The following CACNB4 variants were observed in gnomAD, a reference collection of about 807,000 sequenced individuals.
CACNB4 encodes the protein calcium voltage-gated channel auxiliary subunit beta 4.
In CACNB4, 32 loss-of-function variants were observed where a neutral mutation model predicts 71.2. That is an observed-to-expected ratio of 0.45 (90% CI 0.34 to 0.60). CACNB4 has a LOEUF of 0.60. Among genes scored for constraint, CACNB4 ranks in the 20% least tolerant of loss-of-function variants. The probability of loss-of-function intolerance (pLI) is 0.01; values close to 1 mark genes in which losing one functional copy is unlikely to be tolerated. For synonymous variants in CACNB4, 231 were observed against 236.9 expected (o/e 0.97, Z 0.23); for missense variants, 464 against 647.9 (o/e 0.72, Z 3.08).
At chr2:152,004,540 C>T (rs2345159) in intron 2 of CACNB4, among the ~76,000 whole-genome samples, 81,627 of 147,438 alleles carry the variant, frequency 0.55, 25,406 homozygotes, top group Non-Finnish European at 0.73. Flanking sequence ...CATACACACA[C>T]ACACACACAC....
intron 2 of CACNB4, among the ~76,000 whole-genome samples, chr2:152,057,646 C>A (rs1263399845): frequency 6.6e-6 from 1 of 152,044 alleles, no homozygotes; most frequent in Non-Finnish European, 1.5e-5. Context: ...TCCATGACAC[C>A]CATTTCAGGT....
chr2:152,073,451 G>A (rs981638963), intron 2 of CACNB4, among the ~76,000 whole-genome samples: 1 of 151,912 alleles, frequency 6.6e-6, no homozygotes, highest in Admixed American at 6.6e-5. Flanking sequence ...ACTGGCAATC[G>A]TGCTTTGCTA....
intron 10 of CACNB4, chr2:151,859,163 T>C (rs904829112): frequency 6.6e-6 from 1 of 152,174 alleles, no homozygotes; most frequent in Non-Finnish European, 1.5e-5. Flanking sequence ...TGGTTGTGGG[T>C]TTATGACTTT....
intron 2 of CACNB4, among the ~76,000 whole-genome samples, chr2:151,989,553 T>G (rs1375148382): frequency 6.6e-6 from 1 of 152,190 alleles, no homozygotes; most frequent in Non-Finnish European, 1.5e-5. Flanking sequence ...TCTCTGGCCA[T>G]TCTTTCTTGA....
At chr2:151,953,274 G>A (rs1195816977) in intron 2 of CACNB4, among the ~76,000 whole-genome samples, 1 of 151,908 alleles carries the variant, frequency 6.6e-6, no homozygotes, top group African/African-American at 2.4e-5. Context: ...TGCTGGTGTG[G>A]GTCCCACGGC....
intron 2 of CACNB4, among the ~76,000 whole-genome samples, chr2:151,947,335 CA>C (rs1410198737): frequency 6.6e-6 from 1 of 152,152 alleles, no homozygotes; most frequent in African/African-American, 2.4e-5. Flanking sequence ...ACTTAGGGGG[CA>C]AAGAAGAATC....
intron 2 of CACNB4, among the ~76,000 whole-genome samples, chr2:151,955,145 G>A (rs987239507): frequency 6.6e-5 from 10 of 152,038 alleles, no homozygotes; most frequent in East Asian, 5.8e-4. Context: ...GTGAGCCACC[G>A]TGCCCAGCCA....
intron 2 of CACNB4, among the ~76,000 whole-genome samples, chr2:151,909,774 T>C (rs1394899105): frequency 6.6e-6 from 1 of 152,232 alleles, no homozygotes; most frequent in African/African-American, 2.4e-5. Flanking sequence ...CCATGGTGGA[T>C]ACGTACCACA....
chr2:151,941,829 G>A (rs1041499561), intron 2 of CACNB4, among the ~76,000 whole-genome samples: 2 of 152,162 alleles, frequency 1.3e-5, no homozygotes, highest in African/African-American at 2.4e-5. Flanking sequence ...TAGAATTAAT[G>A]GAAAGGAGTG....
chr2:151,999,051 C>A, intron 2 of CACNB4, among the ~76,000 whole-genome samples: 1 of 152,216 alleles, frequency 6.6e-6, no homozygotes, highest in East Asian at 1.9e-4. Context: ...GTTCTTGCAG[C>A]TTTAGCCTGA....
chr2:151,941,947 A>G (rs1017240562), intron 2 of CACNB4, among the ~76,000 whole-genome samples: 4 of 152,224 alleles, frequency 2.6e-5, no homozygotes, highest in African/African-American at 7.2e-5. Context: ...AAGGATGAAA[A>G]AAGGCCCCAA....
At chr2:151,879,877 G>A (rs6742375) in intron 4 of CACNB4, 32,228 of 152,220 alleles carry the variant, frequency 0.21, 3,614 homozygotes, top group Middle Eastern at 0.38. Flanking sequence ...TGGTGTGAGT[G>A]AGTGTGCATG....
chr2:152,039,009 T>A (rs1415514724), intron 2 of CACNB4, among the ~76,000 whole-genome samples: 1 of 152,206 alleles, frequency 6.6e-6, no homozygotes, highest in African/African-American at 2.4e-5. Flanking sequence ...GCTTGCTTAG[T>A]TAATATAGGG....
chr2:152,030,636 C>T (rs963966963), intron 2 of CACNB4, among the ~76,000 whole-genome samples: 1 of 152,110 alleles, frequency 6.6e-6, no homozygotes, highest in African/African-American at 2.4e-5. Context: ...TGTGATGTTC[C>T]CCTTCCTGTG....
intron 2 of CACNB4, chr2:151,973,698 A>G: frequency 6.2e-7 from 1 of 1,613,706 alleles, no homozygotes; most frequent in African/African-American, 1.3e-5. Context: ...CCATGCAGGT[A>G]CAAATTGTCA....
At chr2:151,965,813 G>C (rs2099870946) in intron 2 of CACNB4, among the ~76,000 whole-genome samples, 1 of 151,966 alleles carries the variant, frequency 6.6e-6, no homozygotes, top group South Asian at 2.1e-4. Context: ...CATGGGTATT[G>C]GCAAGCGAAC....
intron 2 of CACNB4, among the ~76,000 whole-genome samples, chr2:152,054,454 A>G (rs548059143): frequency 6.6e-6 from 1 of 151,474 alleles, no homozygotes; most frequent in Non-Finnish European, 1.5e-5. Flanking sequence ...TCTTCAGACC[A>G]TATTTTACTT....
chr2:152,032,052 T>C (rs548833042), intron 2 of CACNB4, among the ~76,000 whole-genome samples: 1 of 152,264 alleles, frequency 6.6e-6, no homozygotes, highest in Non-Finnish European at 1.5e-5. Context: ...TTCGAGTGTC[T>C]GGATCCTTCT....
chr2:151,902,511 C>T (rs1042590423), intron 2 of CACNB4, among the ~76,000 whole-genome samples: 3 of 152,046 alleles, frequency 2.0e-5, no homozygotes, highest in South Asian at 2.1e-4. Context: ...GGGCTCTTCA[C>T]GATTATTAGA....
Sources: allele counts gnomAD v4.1 joint callset (sites outside exome capture counted in the v4.1 genomes callset), GRCh38; gene constraint gnomAD v4.1.1; transcripts MANE v1.5; gene names NCBI Gene and HGNC (gene_info 2026-07-23, HGNC 2026-07-21).